Variants in MACO1 observed in about 807,000 individuals in gnomAD.
MACO1 encodes the protein macoilin.
In MACO1, 14 loss-of-function variants were observed where a neutral mutation model predicts 78.7. The ratio of observed to expected loss-of-function variants is 0.18; its 90% CI spans 0.12 to 0.28. MACO1 has a LOEUF of 0.28. Among genes scored for constraint, MACO1 ranks in the 10% least tolerant of loss-of-function variants. The probability of loss-of-function intolerance (pLI) is 1.00; values close to 1 mark genes in which losing one functional copy is unlikely to be tolerated. For missense variants in MACO1, 501 were observed against 799.0 expected, an observed-to-expected ratio of 0.63 and a Z score of 4.50; for synonymous variants, 288 against 291.6, an observed-to-expected ratio of 0.99 and a Z score of 0.12.
chr1:25,484,302 G>GT, intron 7 of MACO1, 28 bp downstream of exon 7: 1 of 1,553,142 alleles, frequency 6.4e-7, no homozygotes. Context: ...GCCTTTGGCC[G>GT]TAAGCCCGGC....
chr1:25,435,495 T>A (rs991554177), intron 1 of MACO1, among the ~76,000 whole-genome samples: 2 of 152,222 alleles, frequency 1.3e-5, no homozygotes, highest in Admixed American at 6.5e-5. Flanking sequence ...CTACATCTGA[T>A]CTCCAGAGGT....
intron 2 of MACO1, among the ~76,000 whole-genome samples, 175 bp downstream of exon 2, chr1:25,447,078 T>G (rs1265168162): frequency 6.6e-6 from 1 of 152,206 alleles, no homozygotes; most frequent in African/African-American, 2.4e-5. Context: ...CATTTTCTCC[T>G]CCTCTCCCAT....
chr1:25,446,614 G>C (rs375296791), intron 1 of MACO1, 148 bp from the exon 2 acceptor site: 2 of 740,480 alleles, frequency 2.7e-6, no homozygotes, highest in South Asian at 4.7e-5. Context: ...GATGGGCCAC[G>C]GCAGCATCTC....
In MACO1 at chr1:25,430,938, C is replaced by T. The variant is rs2042856208; in HGVS notation, c.-161C>T. The T allele has an allele frequency of 2.1e-6, 1 of 472,114 alleles. No homozygotes were observed. The highest frequency in any genetic ancestry group is 3.8e-6 in the Non-Finnish European group (1 of 265,892). The allele number at this position is 472,114 out of a possible 1,614,324, so 29.2% of individuals were successfully genotyped here. A position where few individuals can be genotyped will look rare whatever the true frequency, so the allele number is the denominator to read the frequency against. ...CGAAGGCGGAGGAGGCTCCGAGCCC[C>T]CCCTCCCCGTGCTACCCCCTCCCCC... On this transcript the variant is annotated 5_prime_UTR_variant, in exon 1 of 11. Transcript: ENST00000374343.
chr1:25,456,678 G>C lies in MACO1; in HGVS notation c.499G>C (p.Gly167Arg). Reference sequence around the variant, plus strand: ...TATTGGGTACCCTGTGGTAACTTTGGGGTTTGGCTTCAAAAGTTACGTAAG... The same window carrying C: ...TATTGGGTACCCTGTGGTAACTTTGCGGTTTGGCTTCAAAAGTTACGTAAG... ...HCIGYPVVTLGFGFKSYVSYK... is the reference protein window; with the variant it reads ...HCIGYPVVTLRFGFKSYVSYK... Residue 167 changes from glycine (G) to arginine (R), a missense_variant, in exon 5 of 11, where the codon GGG becomes CGG. Gly to Arg is a moderately radical substitution (Grantham distance 125, BLOSUM62 -2). Coordinates refer to ENST00000374343, the MANE Select transcript of MACO1 (RefSeq NM_018202.6). 1 of 1,613,432 alleles carries C rather than the reference G, an allele frequency of 6.2e-7. No individual in the cohort carries two copies. Among genetic ancestry groups the C allele is most frequent in the Non-Finnish European group, 8.5e-7 (1 of 1,179,730 alleles).
At chr1:25,474,642 G>A (rs1291109791) in intron 6 of MACO1, among the ~76,000 whole-genome samples, 1 of 152,204 alleles carries the variant, frequency 6.6e-6, no homozygotes, top group Non-Finnish European at 1.5e-5. Context: ...TGATAAGGGT[G>A]GTTTGGGGCC....
At chr1:25,476,604 G>T (rs35821610) in intron 6 of MACO1, among the ~76,000 whole-genome samples, 1 of 152,116 alleles carries the variant, frequency 6.6e-6, no homozygotes, top group South Asian at 2.1e-4. Flanking sequence ...TGGTATAGAG[G>T]GTAATCAGTA....
At position 25,441,259 on chromosome 1, in the gene MACO1, C is replaced by T. The variant is rs571051916; in HGVS notation, c.81-5503C>T. Among the ~76,000 whole-genome samples the T allele has an allele frequency of 2.0e-5, 3 of 151,794 alleles. No homozygotes were observed. The South Asian group carries it at 6.2e-4, about 32-fold the overall frequency. ...AGACTGGAGCTCAGTGGTATGATCT[C>T]GGCTCACTGTAACCTCCACCTCCTG... is the stretch of plus-strand genomic sequence containing the variant. On this transcript the variant is annotated intron_variant, in intron 1 of 10. Coordinates refer to ENST00000374343, the MANE Select transcript of MACO1 (RefSeq NM_018202.6).
In MACO1 at chr1:25,456,793, A is replaced by C; in HGVS notation, c.614A>C (p.Gln205Pro). 1 of 1,613,650 alleles carries C rather than the reference A, an allele frequency of 6.2e-7. No individual in the cohort carries two copies. The highest frequency in any genetic ancestry group is 1.7e-5 in the Admixed American group (1 of 59,896). Residue 205 changes from glutamine to proline, a missense_variant, in exon 5 of 11, where the codon CAA (glutamine) becomes CCA (proline). Physicochemically the swap from Gln to Pro is moderately conservative, Grantham distance 76. This residue lies in a region of MACO1 where 171 missense variants were observed against 292.1 expected (regional missense o/e 0.59). Transcript: ENST00000374343. ...QLLQQALPPE[Q>P]QMLQKQEKEA... ...CTTCAACAAGCTCTCCCTCCAGAGC[A>C]ACAGATGCTACAGAAGCAAGAAAAA... is the stretch of plus-strand genomic sequence containing the variant.
chr1:25,482,448 A>G (rs1393669927), intron 6 of MACO1, among the ~76,000 whole-genome samples: 1 of 152,140 alleles, frequency 6.6e-6, no homozygotes, highest in Non-Finnish European at 1.5e-5. Flanking sequence ...CTCTCTCCCC[A>G]GTACAAGCTT....
chr1:25,483,312 A>G (rs2043397471), intron 6 of MACO1, among the ~76,000 whole-genome samples: 1 of 152,190 alleles, frequency 6.6e-6, no homozygotes, highest in Non-Finnish European at 1.5e-5. Context: ...CGGGCTCCCA[A>G]AGTGCTGGGA....
chr1:25,436,468 C>A (rs2042920035), intron 1 of MACO1, among the ~76,000 whole-genome samples: 2 of 151,840 alleles, frequency 1.3e-5, no homozygotes, highest in South Asian at 4.2e-4. Flanking sequence ...TTAGTTTATC[C>A]CCAGGCTTAC....
chr1:25,448,809 C>T lies in MACO1; in HGVS notation c.224C>T (p.Ala75Val). The change falls in exon 3 of 11, where the codon GCC becomes GTC. Residue 75 changes from alanine (A) to valine (V), a missense_variant and splice_region_variant. This residue lies in a region of MACO1 where 171 missense variants were observed against 292.1 expected (regional missense o/e 0.59). Transcript: ENST00000374343. ...VYDSFRYQGL[A>V]FSVFFVCVAF... Reference sequence around the variant, plus strand: ...ATTTTGTTTTATTTTTCCCTTTAGGCCTTCTCAGTATTTTTTGTTTGTGTA... The same window carrying T: ...ATTTTGTTTTATTTTTCCCTTTAGGTCTTCTCAGTATTTTTTGTTTGTGTA... 1.3e-6 allele frequency: 2 copies of T among 1,537,664 alleles called. No individual in the cohort carries two copies. The highest frequency in any genetic ancestry group is 8.9e-7 in the Non-Finnish European group (1 of 1,127,646).
At chr1:25,438,302 AG>A (rs2042937346) in intron 1 of MACO1, among the ~76,000 whole-genome samples, 1 of 152,266 alleles carries the variant, frequency 6.6e-6, no homozygotes, top group Non-Finnish European at 1.5e-5. Context: ...TCATTTCATA[AG>A]GGAATCAAAA....
At chr1:25,445,977 A>G (rs1209513905) in intron 1 of MACO1, among the ~76,000 whole-genome samples, 1 of 151,864 alleles carries the variant, frequency 6.6e-6, no homozygotes. Context: ...GAAAAATAAT[A>G]TTTTTTTTCT....
At chr1:25,450,528 G>A (rs1557661583) in intron 3 of MACO1, among the ~76,000 whole-genome samples, 2 of 152,120 alleles carry the variant, frequency 1.3e-5, no homozygotes, top group African/African-American at 2.4e-5. Flanking sequence ...GACCAGAGAG[G>A]GAGCACCAAA....
At chr1:25,457,333 A>C (rs1306108171) in intron 5 of MACO1, among the ~76,000 whole-genome samples, 2 of 152,074 alleles carry the variant, frequency 1.3e-5, no homozygotes, top group Non-Finnish European at 2.9e-5. Context: ...GCTAGTCTCA[A>C]ACTCCTGATC....
chr1:25,489,954 G>A (rs950936440), intron 9 of MACO1, among the ~76,000 whole-genome samples: 3 of 152,094 alleles, frequency 2.0e-5, no homozygotes, highest in Non-Finnish European at 4.4e-5. Flanking sequence ...CGATTAGTCA[G>A]TAAAAGGCTT....
intron 10 of MACO1, among the ~76,000 whole-genome samples, chr1:25,494,735 A>T (rs1329072906): frequency 6.6e-6 from 1 of 152,160 alleles, no homozygotes; most frequent in Non-Finnish European, 1.5e-5. Context: ...TGGAAGGACA[A>T]AGTTGTTGGA....
Sources: allele counts gnomAD v4.1 joint callset (sites outside exome capture counted in the v4.1 genomes callset), GRCh38; gene constraint gnomAD v4.1.1; regional missense constraint gnomAD v4.1.1; transcripts MANE v1.5; gene names NCBI Gene and HGNC (gene_info 2026-07-23, HGNC 2026-07-21).